Variants in SLC38A6 observed in about 807,000 individuals in gnomAD.
SLC38A6 encodes solute carrier family 38 member 6.
Under a neutral mutation model 65.0 loss-of-function variants are expected in SLC38A6, and 73 were observed. That is an observed-to-expected ratio of 1.12 (90% CI 0.93 to 1.37). SLC38A6 has a LOEUF of 1.37. SLC38A6 is among the 40% of genes most tolerant of loss of function. The probability of loss-of-function intolerance (pLI) is 0.00; values close to 1 mark genes in which losing one functional copy is unlikely to be tolerated. For synonymous variants in SLC38A6, 183 were observed against 178.8 expected (o/e 1.02, Z -0.19); for missense variants, 561 against 531.1 (o/e 1.06, Z -0.55).
intron 15 of SLC38A6, among the ~76,000 whole-genome samples, chr14:61,064,604 G>A (rs1187368888): frequency 1.4e-5 from 2 of 147,966 alleles, no homozygotes; most frequent in Non-Finnish European, 3.0e-5. Context: ...CTTTCTCTGT[G>A]CATTTAGATG....
At chr14:60,991,575 C>T (rs1053343328) in intron 3 of SLC38A6, among the ~76,000 whole-genome samples, 4 of 152,154 alleles carry the variant, frequency 2.6e-5, no homozygotes, top group Non-Finnish European at 2.9e-5. Flanking sequence ...CTTCCCCAGT[C>T]GTGCTGGGTA....
At chr14:60,999,148 G>A (rs1419322465) in intron 3 of SLC38A6, among the ~76,000 whole-genome samples, 2 of 152,202 alleles carry the variant, frequency 1.3e-5, no homozygotes, top group Non-Finnish European at 2.9e-5. Flanking sequence ...TGTAGTTTTT[G>A]CTGAAGCAGT....
At chr14:61,071,700 A>T (rs368857504) in intron 15 of SLC38A6, among the ~76,000 whole-genome samples, 5 of 152,104 alleles carry the variant, frequency 3.3e-5, no homozygotes, top group African/African-American at 1.2e-4. Flanking sequence ...AAAAAAGGAA[A>T]AAAGAAGATA....
In SLC38A6 at chr14:61,046,094, T is replaced by TA; in HGVS notation, c.853dup (p.Thr285AsnfsTer25). On this transcript the variant is annotated frameshift_variant, in exon 12 of 16. Transcript: ENST00000267488. LOFTEE classifies it high-confidence loss of function. ...CTTCAAAGAAAAGAATGCAGAATGT[T>TA]ACCAATACAGCAATTGCTTTAAGTT... is the stretch of plus-strand genomic sequence containing the variant. The TA allele has an allele frequency of 1.9e-6, 3 of 1,611,176 alleles. No individual in the cohort carries two copies. Among genetic ancestry groups the TA allele is most frequent in the Non-Finnish European group, 2.5e-6 (3 of 1,178,000 alleles).
At chr14:61,018,861 G>A (rs2040177846) in intron 4 of SLC38A6, among the ~76,000 whole-genome samples, 1 of 152,062 alleles carries the variant, frequency 6.6e-6, no homozygotes, top group African/African-American at 2.4e-5. Context: ...ATCAGATCTG[G>A]CTACATTGGA....
At chr14:61,016,040 C>A in intron 4 of SLC38A6, 84 bp downstream of exon 4, 1 of 984,798 alleles carries the variant, frequency 1.0e-6, no homozygotes. Context: ...CAAGTATATA[C>A]AAGAGGAAGA....
Position 60,998,794 on chromosome 14 carries a change from G to T in SLC38A6, c.310+13991G>T, listed in dbSNP as rs531887895. Reference sequence around the variant, plus strand: ...CTACACCTGCCGGTCTGCGAGCTCCGCCTCCTGTAAGGGGTTTGAGAGTGC... The same window carrying T: ...CTACACCTGCCGGTCTGCGAGCTCCTCCTCCTGTAAGGGGTTTGAGAGTGC... On this transcript the variant is annotated intron_variant, in intron 3 of 15. Transcript: ENST00000267488. Among the ~76,000 whole-genome samples, 41 of 152,294 alleles carry T rather than the reference G, an allele frequency of 2.7e-4. No individual in the cohort carries two copies. The South Asian group carries it at 5.4e-3, about 20-fold the overall frequency.
intron 15 of SLC38A6, among the ~76,000 whole-genome samples, chr14:61,060,842 C>T (rs1186745994): frequency 2.6e-5 from 3 of 116,946 alleles, no homozygotes; most frequent in African/African-American, 6.8e-5. Flanking sequence ...TTTCTTAAGC[C>T]GGTCTGAAAA....
At chr14:61,061,038 A>AAGAACCC (rs2042818977) in intron 15 of SLC38A6, among the ~76,000 whole-genome samples, 1 of 151,906 alleles carries the variant, frequency 6.6e-6, no homozygotes, top group Admixed American at 6.5e-5. Flanking sequence ...CCCTAGTGAG[A>AAGAACCC]AGAACCCGGT....
chr14:61,043,170 C>A lies in SLC38A6; in HGVS notation c.648C>A (p.Ile216=). 6.5e-7 allele frequency: 1 copy of A among 1,542,852 alleles called. No individual in the cohort carries two copies. The highest frequency in any genetic ancestry group is 8.9e-7 in the Non-Finnish European group (1 of 1,129,260). ...ALVVIIKKWS[I]PCPLTLNYVE... ...AGGTAATAATTAAAAAATGGTCCAT[C>A]CCTTGTCCTCTGACATTAAATTATG... is the stretch of plus-strand genomic sequence containing the variant. Residue 216 remains isoleucine, a synonymous_variant, in exon 9 of 16, where the codon ATC becomes ATA. Coordinates refer to ENST00000267488, the MANE Select transcript of SLC38A6 (RefSeq NM_153811.3).
rs57421102 is a variant in SLC38A6 at position 61,075,777 on chromosome 14, TTGTGTGTGTGTGTGTGTGTG to T, written c.1291-2997_1291-2978del. Among the ~76,000 whole-genome samples, 237 of 123,388 alleles carry T rather than the reference TTGTGTGTGTGTGTGTGTGTG, an allele frequency of 1.9e-3. 2 individuals carry two copies. Among genetic ancestry groups the T allele is most frequent in the South Asian group, 5.2e-3 (18 of 3,480 alleles). 80.9% of individuals were successfully genotyped at this position (123,388 alleles called of 152,430 possible). A position where few individuals can be genotyped will look rare whatever the true frequency, so the allele number is the denominator to read the frequency against. ...AAGAACGTGCCATAGATCAACCTGT[TTGTGTGTGTGTGTGTGTGTG>T]TGTGTGTGTGTGTGTGTGTGTGTGT... is the stretch of plus-strand genomic sequence containing the variant. On this transcript the variant is annotated intron_variant, in intron 15 of 16. Coordinates refer to the SLC38A6 transcript ENST00000354886.
downstream of SLC38A6, among the ~76,000 whole-genome samples, chr14:61,054,396 T>C (rs2042634704): frequency 6.6e-6 from 1 of 152,174 alleles, no homozygotes; most frequent in African/African-American, 2.4e-5. Flanking sequence ...AATAGTTTTA[T>C]CTAGTTCTGT....
intron 3 of SLC38A6, among the ~76,000 whole-genome samples, chr14:61,011,375 C>T (rs927330689): frequency 8.6e-5 from 13 of 151,960 alleles, no homozygotes; most frequent in Non-Finnish European, 1.6e-4. Flanking sequence ...CCTTTATTTC[C>T]TTCTCCTGCC....
intron 5 of SLC38A6, among the ~76,000 whole-genome samples, chr14:61,022,824 A>G (rs934484038): frequency 1.3e-5 from 2 of 152,140 alleles, no homozygotes; most frequent in African/African-American, 2.4e-5. Context: ...TATTATCTTC[A>G]TTTTATAGAG....
chr14:61,046,642 G>T (rs915520187), intron 12 of SLC38A6, among the ~76,000 whole-genome samples: 1 of 152,088 alleles, frequency 6.6e-6, no homozygotes, highest in Non-Finnish European at 1.5e-5. Flanking sequence ...ATTATCACAG[G>T]ATTCAGCAGA....
chr14:61,061,963 C>T (rs2042859585), intron 15 of SLC38A6, among the ~76,000 whole-genome samples: 1 of 151,942 alleles, frequency 6.6e-6, no homozygotes, highest in Non-Finnish European at 1.5e-5. Flanking sequence ...TCAGCCTCCC[C>T]AGTAGCTGGG....
chr14:60,998,009 C>T (rs1293082882), intron 3 of SLC38A6, among the ~76,000 whole-genome samples: 1 of 151,002 alleles, frequency 6.6e-6, no homozygotes, highest in Non-Finnish European at 1.5e-5. Flanking sequence ...CCAGTTACTT[C>T]CCTGAAAAAG....
intron 15 of SLC38A6, among the ~76,000 whole-genome samples, chr14:61,076,582 T>C (rs146248875): frequency 5.5e-4 from 84 of 152,378 alleles, no homozygotes; most frequent in African/African-American, 1.9e-3. Context: ...AATTACCATG[T>C]AAATAAAGTG....
chr14:61,044,949 T>G (rs2042044225), intron 10 of SLC38A6, among the ~76,000 whole-genome samples: 1 of 152,194 alleles, frequency 6.6e-6, no homozygotes, highest in Non-Finnish European at 1.5e-5. Flanking sequence ...ATAAGATACA[T>G]TTAAATTGTG....
Sources: allele counts gnomAD v4.1 joint callset (sites outside exome capture counted in the v4.1 genomes callset), GRCh38; gene constraint gnomAD v4.1.1; transcripts MANE v1.5; gene names NCBI Gene and HGNC (gene_info 2026-07-23, HGNC 2026-07-21).